Variants in C19orf44 observed in about 807,000 individuals in gnomAD.
C19orf44 encodes the protein chromosome 19 open reading frame 44, also known as uncharacterized protein C19orf44.
C19orf44 carries 43 observed loss-of-function variants against 50.7 expected under a neutral mutation model. That is an observed-to-expected ratio of 0.85 (90% confidence interval 0.66 to 1.09). The LOEUF (loss-of-function observed/expected upper bound fraction) is 1.09, where lower values mean the gene tolerates loss of function less well. Ranked by LOEUF, C19orf44 falls within the 50% of genes least tolerant of loss-of-function variation. C19orf44 has a pLI of 0.00. For synonymous variants in C19orf44, 298 were observed against 334.7 expected (o/e 0.89, Z 1.20); for missense variants, 722 against 836.2 (o/e 0.86, Z 1.68).
chr19:16,520,357 T>C lies in C19orf44; in HGVS notation c.*304T>C. On this transcript the variant is annotated 3_prime_UTR_variant, in exon 9 of 9. Transcript: ENST00000221671. This position sits in a 1 kb window ranked among gnomAD's most constrained non-coding sequence, Gnocchi z 4.0. ...TCAGGCACTGCCCTGAGGCAGCCTC[T>C]GCCTACCTAGATCTGGAGCGGGAGT... 1.9e-6 allele frequency: 3 copies of C among 1,612,120 alleles called. No individual in the cohort carries two copies. The highest frequency in any genetic ancestry group is 1.7e-6 in the Non-Finnish European group (2 of 1,178,674).
chr19:16,499,008 G>T (rs2093417587), intron 1 of C19orf44, among the ~76,000 whole-genome samples: 1 of 152,024 alleles, frequency 6.6e-6, no homozygotes, highest in African/African-American at 2.4e-5. Context: ...ACTTTTTCAT[G>T]TCCCACACAG....
In C19orf44 at chr19:16,514,572, T is replaced by A. The variant is rs749394269; in HGVS notation, c.1811T>A (p.Phe604Tyr). ...LKQQLSLTQQ[F>Y]IQASRHLHAS... is the part of the protein sequence containing the mutation. ...CAGCAGCTGAGCCTGACGCAGCAGT[T>A]CATCCAGGCCAGCCGGCACCTGCAC... The change falls in exon 7 of 9, where the codon TTC becomes TAC. Residue 604 changes from phenylalanine to tyrosine, a missense_variant. Coordinates refer to ENST00000221671, the MANE Select transcript of C19orf44 (RefSeq NM_032207.4). 9 of 1,610,870 alleles carry A rather than the reference T, an allele frequency of 5.6e-6. No individual in the cohort carries two copies. Among genetic ancestry groups the A allele is most frequent in the Non-Finnish European group, 7.6e-6 (9 of 1,179,352 alleles).
At chr19:16,502,437 C>G in intron 2 of C19orf44, among the ~76,000 whole-genome samples, 1 of 151,466 alleles carries the variant, frequency 6.6e-6, no homozygotes, top group Non-Finnish European at 1.5e-5. Context: ...GGGGTTTCAT[C>G]CTGTTGGCCG....
chr19:16,499,774 T>G (rs552846565), intron 1 of C19orf44, among the ~76,000 whole-genome samples: 1 of 152,016 alleles, frequency 6.6e-6, no homozygotes, highest in Non-Finnish European at 1.5e-5. Context: ...ATAGCCCCCC[T>G]CTTTCCCAGG....
chr19:16,520,730 G>A lies in C19orf44; in HGVS notation c.*677G>A. 1 of 1,291,874 alleles carries A rather than the reference G, an allele frequency of 7.7e-7. No individual in the cohort carries two copies. Among genetic ancestry groups the A allele is most frequent in the Non-Finnish European group, 1.1e-6 (1 of 895,392 alleles). The allele number at this position is 1,291,874 out of a possible 1,614,324, so 80.0% of individuals were successfully genotyped here. A position where few individuals can be genotyped will look rare whatever the true frequency, so the allele number is the denominator to read the frequency against. On this transcript the variant is annotated 3_prime_UTR_variant, in exon 9 of 9. Transcript: ENST00000221671. The surrounding 1 kb of genome is among the most constrained non-coding windows in gnomAD (Gnocchi z 4.0). ...ACCGCCCCATAGGCACAGGCTGTGT[G>A]AGGGTGGACGTGATGAGTGTATCTG...
At chr19:16,508,874 G>GCA (rs1175065259) in intron 4 of C19orf44, among the ~76,000 whole-genome samples, 2 of 151,018 alleles carry the variant, frequency 1.3e-5, no homozygotes, top group Non-Finnish European at 3.0e-5. Flanking sequence ...AGGCCGGAGT[G>GCA]CAATGGTGTG....
At chr19:16,517,475 G>C in intron 8 of C19orf44, 134 bp downstream of exon 8, 1 of 665,998 alleles carries the variant, frequency 1.5e-6, no homozygotes, top group South Asian at 1.9e-5. Flanking sequence ...TCAGCATCCA[G>C]GTGTGACATT....
At chr19:16,513,782 G>A (rs938675827) in intron 6 of C19orf44, among the ~76,000 whole-genome samples, 1 of 152,154 alleles carries the variant, frequency 6.6e-6, no homozygotes, top group Non-Finnish European at 1.5e-5. Flanking sequence ...ATGCTGAGTT[G>A]CACAGCCTGG....
rs2093431910 is a variant in C19orf44, at chr19:16,503,494, G to A, written c.1075+114G>A. The stretch of plus-strand genomic sequence containing the variant: ...TGCCACAGGCAGGGAGTTTTGAGTC[G>A]CATCTCACACTCAGCTTTCTAACTT... On this transcript the variant is annotated intron_variant, in intron 3 of 8. Transcript: ENST00000221671. 4 of 1,066,928 alleles carry A rather than the reference G, an allele frequency of 3.7e-6. No homozygotes were observed. In the African/African-American group the frequency reaches 4.8e-5, roughly 13 times the overall value. The allele number at this position is 1,066,928 out of a possible 1,614,324, so 66.1% of individuals were successfully genotyped here. A position where few individuals can be genotyped will look rare whatever the true frequency, so the allele number is the denominator to read the frequency against.
chr19:16,512,482 G>A (rs1461951631), intron 5 of C19orf44, among the ~76,000 whole-genome samples: 3 of 152,066 alleles, frequency 2.0e-5, no homozygotes, highest in East Asian at 1.9e-4. Flanking sequence ...CGGAGCCACC[G>A]CTGCACCCAG....
chr19:16,520,007 GA>G lies in C19orf44; in HGVS notation c.*41-85del. 1 of 885,762 alleles carries G rather than the reference GA, an allele frequency of 1.1e-6. No homozygotes were observed. Among genetic ancestry groups the G allele is most frequent in the Non-Finnish European group, 1.8e-6 (1 of 564,090 alleles). The allele number at this position is 885,762 out of a possible 1,614,324, so 54.9% of individuals were successfully genotyped here. A position where few individuals can be genotyped will look rare whatever the true frequency, so the allele number is the denominator to read the frequency against. On this transcript the variant is annotated intron_variant, in intron 8 of 8. Coordinates refer to ENST00000221671, the MANE Select transcript of C19orf44 (RefSeq NM_032207.4). The surrounding 1 kb of genome is among the most constrained non-coding windows in gnomAD (Gnocchi z 4.0). ...GGCTTCGCCAAGTGGCTACTGTGGT[GA>G]AGGGTGAGGGGTGCCACTGTCCCCG...
Position 16,514,522 on chromosome 19 carries a change from G to T in C19orf44, c.1761G>T (p.Val587=). The part of the protein sequence containing the change: ...IEALTAYSPA[V]LALHDVLKQQ... ...CCCTGACCGCTTACAGCCCGGCCGT[G>T]CTGGCACTCCATGATGTGCTGAAGC... Residue 587 remains valine (V), a synonymous_variant, in exon 7 of 9, where the codon GTG becomes GTT. Coordinates refer to ENST00000221671, the MANE Select transcript of C19orf44 (RefSeq NM_032207.4). 2.5e-6 allele frequency: 4 copies of T among 1,611,634 alleles called. No homozygotes were observed. The highest frequency in any genetic ancestry group is 2.5e-6 in the Non-Finnish European group (3 of 1,179,558).
intron 4 of C19orf44, among the ~76,000 whole-genome samples, chr19:16,508,585 TG>T (rs2093447119): frequency 6.6e-6 from 1 of 151,916 alleles, no homozygotes; most frequent in South Asian, 2.1e-4. Flanking sequence ...ATGGACCGGC[TG>T]GGTTGTCCAG....
chr19:16,514,443 T>A, intron 6 of C19orf44, 54 bp from the exon 7 acceptor site: 1 of 1,430,938 alleles, frequency 7.0e-7, no homozygotes, highest in African/African-American at 1.5e-5. Flanking sequence ...GGGGGGGGGC[T>A]GCAGAATTTG....
At chr19:16,512,931 T>A in intron 5 of C19orf44, 83 bp from the exon 6 acceptor site, 1 of 1,120,060 alleles carries the variant, frequency 8.9e-7, no homozygotes, top group Non-Finnish European at 1.3e-6. Flanking sequence ...GGTCACGTAG[T>A]TTATTCCAGG....
chr19:16,510,725 T>TTCTC (rs137945542), intron 5 of C19orf44, among the ~76,000 whole-genome samples: 1 of 151,124 alleles, frequency 6.6e-6, no homozygotes, highest in Admixed American at 6.6e-5. Context: ...TTCCAGATAT[T>TTCTC]TCTCTCTCTC....
At chr19:16,505,106 C>T (rs1024537050) in intron 3 of C19orf44, among the ~76,000 whole-genome samples, 3 of 151,536 alleles carry the variant, frequency 2.0e-5, no homozygotes, top group East Asian at 2.0e-4. Context: ...CGTGAGCCAC[C>T]GTACCTGGTG....
intron 1 of C19orf44, 69 bp from the exon 2 acceptor site, chr19:16,500,723 T>C: frequency 7.0e-7 from 1 of 1,437,986 alleles, no homozygotes; most frequent in East Asian, 2.3e-5. Context: ...TTTTGCCAAG[T>C]AGGAGCCATT....
At position 16,520,498 on chromosome 19, in the gene C19orf44, C is replaced by T. The variant is rs529370662; in HGVS notation, c.*445C>T. 48 of 1,612,990 alleles carry T rather than the reference C, an allele frequency of 3.0e-5. No homozygotes were observed. Among genetic ancestry groups the T allele is most frequent in the East Asian group, 6.7e-5 (3 of 44,866 alleles). Reference sequence around the variant, plus strand: ...GACTCTTGGATCTGCTCCGAGACCTCGAGGGTCCGCTGTGGGGAGAGGCCT... The same window carrying T: ...GACTCTTGGATCTGCTCCGAGACCTTGAGGGTCCGCTGTGGGGAGAGGCCT... On this transcript the variant is annotated 3_prime_UTR_variant, in exon 9 of 9. Transcript: ENST00000221671. This position sits in a 1 kb window ranked among gnomAD's most constrained non-coding sequence, Gnocchi z 4.0.
Sources: allele counts gnomAD v4.1 joint callset (sites outside exome capture counted in the v4.1 genomes callset), GRCh38; gene constraint gnomAD v4.1.1; non-coding constraint Gnocchi (gnomAD v3.1); transcripts MANE v1.5; gene names NCBI Gene and HGNC (gene_info 2026-07-23, HGNC 2026-07-21).